The following IL1RAPL1 variants were observed in gnomAD, a reference collection of about 807,000 sequenced individuals.
IL1RAPL1 encodes the protein interleukin-1 receptor accessory protein-like 1.
IL1RAPL1 carries 3 observed loss-of-function variants against 48.4 expected under a neutral mutation model. The ratio of observed to expected loss-of-function variants is 0.06; its 90% CI spans 0.03 to 0.16. The LOEUF (loss-of-function observed/expected upper bound fraction) is 0.16, where lower values mean the gene tolerates loss of function less well. Ranked by LOEUF, IL1RAPL1 falls within the 10% of genes least tolerant of loss-of-function variation. The pLI, the probability that IL1RAPL1 is intolerant of heterozygous loss-of-function variation, is 1.00. For synonymous variants in IL1RAPL1, 185 were observed against 187.7 expected (o/e 0.99, Z 0.12); for missense variants, 349 against 530.6 (o/e 0.66, Z 3.36).
chrX:29,355,668 G>A (rs923827652), intron 3 of IL1RAPL1, among the ~76,000 whole-genome samples: 1 of 111,949 alleles, frequency 8.9e-6, no homozygotes, highest in African/African-American at 3.2e-5. Context: ...GATTGATTTA[G>A]GTGAGGAAGT....
At chrX:29,908,645 G>T (rs904048504) in intron 6 of IL1RAPL1, among the ~76,000 whole-genome samples, 3 of 111,419 alleles carry the variant, frequency 2.7e-5, no homozygotes, top group Non-Finnish European at 5.7e-5. Flanking sequence ...TCAAACTATA[G>T]AGAATTTTAT....
At chrX:28,895,987 C>T (rs142178006) in intron 2 of IL1RAPL1, among the ~76,000 whole-genome samples, 96 of 112,177 alleles carry the variant, frequency 8.6e-4, no homozygotes, top group Middle Eastern at 4.6e-3. Context: ...AGATGGCACG[C>T]GGCTTAGGAG....
At chrX:28,788,561 GGCTCAA>G (rs2147264785) in intron 1 of IL1RAPL1, among the ~76,000 whole-genome samples, 1 of 110,156 alleles carries the variant, frequency 9.1e-6, no homozygotes, top group South Asian at 3.9e-4. Flanking sequence ...TGACCTCCCA[GGCTCAA>G]GCCATCCTCC....
chrX:29,160,970 A>C (rs1602088274), intron 2 of IL1RAPL1, among the ~76,000 whole-genome samples: 1 of 111,214 alleles, frequency 9.0e-6, no homozygotes, highest in Non-Finnish European at 1.9e-5. Context: ...AGGCAGGAGA[A>C]TCGCTTGAGC....
chrX:29,365,661 G>T (rs781281350), intron 3 of IL1RAPL1, among the ~76,000 whole-genome samples: 58 of 109,118 alleles, frequency 5.3e-4, no homozygotes, highest in Admixed American at 5.2e-3. Flanking sequence ...GTCCAGCCTG[G>T]GTGACCAAGT....
chrX:29,690,832 G>A (rs1326440802), intron 6 of IL1RAPL1, among the ~76,000 whole-genome samples: 1 of 111,733 alleles, frequency 8.9e-6, no homozygotes, highest in East Asian at 2.8e-4. Context: ...ATATTATCAA[G>A]TTAATGTACT....
chrX:29,587,572 T>C (rs1030648673), intron 5 of IL1RAPL1, among the ~76,000 whole-genome samples: 1 of 112,261 alleles, frequency 8.9e-6, no homozygotes, highest in Non-Finnish European at 1.9e-5. Context: ...CATCTGTTAA[T>C]AACTTGATTA....
At chrX:28,785,483 T>G (rs1936465021) in intron 1 of IL1RAPL1, among the ~76,000 whole-genome samples, 1 of 111,808 alleles carries the variant, frequency 8.9e-6, no homozygotes, top group African/African-American at 3.3e-5. Context: ...TCCTTAAATA[T>G]CCTTGCTTGC....
intron 2 of IL1RAPL1, among the ~76,000 whole-genome samples, chrX:29,131,936 G>A (rs1000618576): frequency 2.7e-5 from 3 of 111,495 alleles, no homozygotes; most frequent in Admixed American, 9.6e-5. Flanking sequence ...ATAAGAAACA[G>A]CCCTCCCAGT....
chrX:29,615,943 A>C (rs1426909192), intron 5 of IL1RAPL1, among the ~76,000 whole-genome samples: 1 of 111,525 alleles, frequency 9.0e-6, no homozygotes, highest in Non-Finnish European at 1.9e-5. Flanking sequence ...TCTTATGCCT[A>C]CACTTGATCT....
At chrX:28,704,832 A>ACACAC (rs1491392987) in intron 1 of IL1RAPL1, among the ~76,000 whole-genome samples, 3 of 44,979 alleles carry the variant, frequency 6.7e-5, no homozygotes, top group South Asian at 2.3e-3. Context: ...ACACACACAC[A>ACACAC]AAAAAAAAAA....
chrX:28,609,642 C>CACACAG (rs1203907831), intron 1 of IL1RAPL1, among the ~76,000 whole-genome samples: 2 of 106,761 alleles, frequency 1.9e-5, no homozygotes, highest in Non-Finnish European at 3.9e-5. Flanking sequence ...CACACACACA[C>CACACAG]ACACACACAC....
intron 2 of IL1RAPL1, among the ~76,000 whole-genome samples, chrX:28,819,449 C>T (rs963535420): frequency 1.8e-5 from 2 of 110,403 alleles, no homozygotes; most frequent in Non-Finnish European, 3.8e-5. Context: ...AAGAATATGT[C>T]GTAATATTAG....
chrX:29,222,514 C>T (rs1931001970), intron 2 of IL1RAPL1, among the ~76,000 whole-genome samples: 1 of 111,886 alleles, frequency 8.9e-6, no homozygotes, highest in Admixed American at 9.5e-5. Context: ...ATATGACTGA[C>T]TACCTTGCAC....
chrX:29,396,880 AT>A (rs1313153058), intron 4 of IL1RAPL1, among the ~76,000 whole-genome samples: 13 of 112,057 alleles, frequency 1.2e-4, no homozygotes, highest in Non-Finnish European at 9.4e-5. Context: ...AATGGACATA[AT>A]TTTGTCCATA....
chrX:29,947,632 C>G (rs1188667812), intron 9 of IL1RAPL1, among the ~76,000 whole-genome samples: 1 of 111,165 alleles, frequency 9.0e-6, no homozygotes, highest in Admixed American at 9.6e-5. Flanking sequence ...CTTTTTCTTT[C>G]TCTTTCAATG....
intron 2 of IL1RAPL1, among the ~76,000 whole-genome samples, chrX:29,055,369 A>G (rs1927188977): frequency 9.0e-6 from 1 of 111,502 alleles, no homozygotes; most frequent in Non-Finnish European, 1.9e-5. Flanking sequence ...AACATGTTTT[A>G]TCTGTCAGAC....
At chrX:29,544,888 A>T (rs1221652048) in intron 5 of IL1RAPL1, among the ~76,000 whole-genome samples, 1 of 109,751 alleles carries the variant, frequency 9.1e-6, no homozygotes, top group Non-Finnish European at 1.9e-5. Flanking sequence ...AATTACGTTA[A>T]AAATGAGGTC....
chrX:28,824,065 C>G (rs1439901329), intron 2 of IL1RAPL1, among the ~76,000 whole-genome samples: 2 of 111,224 alleles, frequency 1.8e-5, no homozygotes, highest in African/African-American at 6.5e-5. Context: ...CAAAAGTATG[C>G]CTTGATTCAT....
Sources: gnomAD v4.1 joint callset for allele counts (sites outside exome capture counted in the v4.1 genomes callset) on GRCh38, gnomAD v4.1.1 for gene constraint, MANE v1.5 for transcripts, NCBI Gene and HGNC (gene_info 2026-07-23, HGNC 2026-07-21) for gene names.